Variants in SV2C observed in about 807,000 individuals in gnomAD.
SV2C encodes the protein solute carrier family 22 member B3.
Under a neutral mutation model 79.7 loss-of-function variants are expected in SV2C, and 49 were observed. The observed-to-expected ratio is 0.61, with a 90% confidence interval of 0.49 to 0.78. The LOEUF is 0.78. SV2C is among the 30% of genes least tolerant of loss of function. The pLI, the probability that SV2C is intolerant of heterozygous loss-of-function variation, is 0.00. For synonymous variants in SV2C, 334 were observed against 333.2 expected (o/e 1.00, Z -0.03); for missense variants, 833 against 912.9 (o/e 0.91, Z 1.13).
chr5:76,102,718 C>T (rs1747785233), intron 1 of SV2C, among the ~76,000 whole-genome samples: 1 of 152,172 alleles, frequency 6.6e-6, no homozygotes, highest in Non-Finnish European at 1.5e-5. Flanking sequence ...GTGTGTTCTG[C>T]AGAGCCATGT....
Position 76,285,782 on chromosome 5 carries a change from T to A in SV2C, c.1049T>A (p.Val350Asp). The A allele has an allele frequency of 6.2e-7, 1 of 1,613,562 alleles. No individual in the cohort carries two copies. Among genetic ancestry groups the A allele is most frequent in the Non-Finnish European group, 8.5e-7 (1 of 1,179,818 alleles). ...TCACTGTCCACTCTCATTTCTTAGG[T>A]TGGAAAACATGATGAAGCTTGGATG... ...MPESPRFLLEVGKHDEAWMIL... is the reference protein window; with the variant it reads ...MPESPRFLLEDGKHDEAWMIL... Residue 350 changes from valine to aspartate, a missense_variant and splice_region_variant, in exon 6 of 13, where the codon GTT becomes GAT. By Grantham distance (152) the Val-to-Asp change is radical (BLOSUM62 -3). Transcript: ENST00000502798.
At chr5:76,148,798 C>G (rs1026597678) in intron 2 of SV2C, among the ~76,000 whole-genome samples, 12 of 152,264 alleles carry the variant, frequency 7.9e-5, no homozygotes, top group African/African-American at 2.9e-4. Flanking sequence ...GCTTTTGTCC[C>G]CACAGCCTAC....
chr5:76,049,687 T>G, the SV2C span, among the ~76,000 whole-genome samples: 1 of 152,340 alleles, frequency 6.6e-6, no homozygotes, highest in African/African-American at 2.4e-5. Context: ...AAGTTGTTTG[T>G]AGGTTATTGG....
the SV2C span, among the ~76,000 whole-genome samples, chr5:75,998,858 C>A: frequency 2.0e-5 from 3 of 152,062 alleles, no homozygotes; most frequent in African/African-American, 7.2e-5. Flanking sequence ...TGTATATATA[C>A]ACACATATGT....
intron 4 of SV2C, among the ~76,000 whole-genome samples, chr5:76,257,402 G>A (rs920573488): frequency 7.3e-5 from 11 of 151,400 alleles, no homozygotes; most frequent in Non-Finnish European, 1.5e-4. Flanking sequence ...GTATGTGTGG[G>A]GTAGTGTGGT....
intron 12 of SV2C, among the ~76,000 whole-genome samples, chr5:76,309,291 G>A (rs1258029939): frequency 1.3e-5 from 2 of 152,036 alleles, no homozygotes; most frequent in Non-Finnish European, 2.9e-5. Context: ...CAGGGAGGCT[G>A]GTTAAGACAC....
the SV2C span, among the ~76,000 whole-genome samples, chr5:76,007,779 A>C: frequency 1.3e-5 from 2 of 152,132 alleles, no homozygotes; most frequent in East Asian, 1.9e-4. Context: ...GACCCTCTCT[A>C]TGTTTGTCTC....
At chr5:76,228,163 G>GA (rs1195531621) in intron 4 of SV2C, among the ~76,000 whole-genome samples, 1 of 151,766 alleles carries the variant, frequency 6.6e-6, no homozygotes, top group Non-Finnish European at 1.5e-5. Flanking sequence ...CCAGACTTTT[G>GA]CATTTATTGA....
the SV2C span, among the ~76,000 whole-genome samples, chr5:75,863,873 T>G: frequency 6.6e-6 from 1 of 152,234 alleles, no homozygotes; most frequent in African/African-American, 2.4e-5. Context: ...TGAATAAGTT[T>G]GTTTACTAAG....
chr5:76,030,476 T>A, the SV2C span, among the ~76,000 whole-genome samples: 1 of 152,000 alleles, frequency 6.6e-6, no homozygotes, highest in Non-Finnish European at 1.5e-5. Context: ...TTAGATGCCA[T>A]CTGGGAACTA....
intron 4 of SV2C, among the ~76,000 whole-genome samples, chr5:76,252,247 G>A (rs1746136981): frequency 6.6e-6 from 1 of 152,118 alleles, no homozygotes; most frequent in Non-Finnish European, 1.5e-5. Context: ...AGCCTCCCAA[G>A]TAGCTGGGAC....
At chr5:75,984,275 A>T in the SV2C span, among the ~76,000 whole-genome samples, 6 of 152,178 alleles carry the variant, frequency 3.9e-5, no homozygotes, top group Non-Finnish European at 7.4e-5. Flanking sequence ...AAGGAAAATA[A>T]TCTAATAAGT....
At chr5:76,159,035 A>G (rs11955072) in intron 2 of SV2C, among the ~76,000 whole-genome samples, 69,645 of 151,806 alleles carry the variant, frequency 0.46, 16,255 homozygotes, top group South Asian at 0.53. Context: ...ATAAAAAACA[A>G]AACCATGATC....
chr5:76,334,363 A>G (rs10942766), downstream of SV2C, among the ~76,000 whole-genome samples: 113,582 of 151,654 alleles, frequency 0.75, 42,850 homozygotes, highest in African/African-American at 0.82. Flanking sequence ...CTTAAATGCC[A>G]CATATTTGCT....
the SV2C span, among the ~76,000 whole-genome samples, chr5:75,866,456 T>C: frequency 1.3e-5 from 2 of 152,224 alleles, no homozygotes; most frequent in Non-Finnish European, 2.9e-5. Context: ...CTATCCCCTA[T>C]TTTATCAACG....
At chr5:76,135,613 CAGTG>C (rs1250264845) in intron 2 of SV2C, among the ~76,000 whole-genome samples, 8 of 152,270 alleles carry the variant, frequency 5.3e-5, no homozygotes, top group Non-Finnish European at 1.2e-4. Flanking sequence ...AAGATGAACA[CAGTG>C]AGCACAATAA....
the SV2C span, among the ~76,000 whole-genome samples, chr5:75,878,046 T>A: frequency 6.6e-6 from 1 of 152,066 alleles, no homozygotes; most frequent in Non-Finnish European, 1.5e-5. Flanking sequence ...CACTGAATGG[T>A]ACACTTAAAA....
At chr5:76,236,945 T>C (rs1745634233) in intron 4 of SV2C, among the ~76,000 whole-genome samples, 1 of 152,180 alleles carries the variant, frequency 6.6e-6, no homozygotes, top group African/African-American at 2.4e-5. Flanking sequence ...TGAGTTCTCA[T>C]GAGATCTGAT....
At chr5:76,297,667 G>A (rs1419539538) in intron 9 of SV2C, among the ~76,000 whole-genome samples, 2 of 152,100 alleles carry the variant, frequency 1.3e-5, no homozygotes, top group Non-Finnish European at 2.9e-5. Flanking sequence ...TTATTTCCAG[G>A]TAATGTACCA....
Sources: allele counts gnomAD v4.1 joint callset (sites outside exome capture counted in the v4.1 genomes callset), GRCh38; gene constraint gnomAD v4.1.1; transcripts MANE v1.5; gene names NCBI Gene and HGNC (gene_info 2026-07-23, HGNC 2026-07-21).